The following DOCK6 variants were observed in gnomAD, a reference collection of about 807,000 sequenced individuals.
The protein encoded by DOCK6 is dedicator of cytokinesis protein 6.
A neutral mutation model predicts 230.3 loss-of-function variants in DOCK6; 167 were observed. The ratio of observed to expected loss-of-function variants is 0.73; its 90% CI spans 0.64 to 0.82. The LOEUF is 0.82. Among genes scored for constraint, DOCK6 ranks in the 40% least tolerant of loss-of-function variants. The pLI is 0.00. For missense variants in DOCK6, 2,598 were observed against 2,825.8 expected, an observed-to-expected ratio of 0.92 and a Z score of 1.83; for synonymous variants, 1,148 against 1,185.0, an observed-to-expected ratio of 0.97 and a Z score of 0.64.
At chr19:11,232,284 G>A (rs1005820534) in intron 22 of DOCK6, 15 of 1,289,442 alleles carry the variant, frequency 1.2e-5, no homozygotes, top group East Asian at 5.5e-5. Flanking sequence ...GTGAGCGATC[G>A]ATGCCCTGGA....
intron 30 of DOCK6, 54 bp from the exon 31 acceptor site, chr19:11,215,981 C>G (rs919168686): frequency 6.2e-7 from 1 of 1,605,466 alleles, no homozygotes; most frequent in South Asian, 1.1e-5. Flanking sequence ...TTCGGGGGGA[C>G]CTGGGCTGGC....
intron 24 of DOCK6, among the ~76,000 whole-genome samples, chr19:11,224,132 TTGG>T (rs1403491170): frequency 6.6e-6 from 1 of 152,004 alleles, no homozygotes; most frequent in African/African-American, 2.4e-5. Flanking sequence ...CAATATTAAA[TTGG>T]TGCAAAAGTA....
chr19:11,259,916 C>T (rs1255324276), intron 1 of DOCK6, among the ~76,000 whole-genome samples: 3 of 100,238 alleles, frequency 3.0e-5, no homozygotes, highest in African/African-American at 1.1e-4. Context: ...CAGAGTCTTA[C>T]TCTGTCACCC....
rs1275959515 is a variant in DOCK6, at chr19:11,243,103, A to G, written c.1436T>C (p.Met479Thr). 2.5e-6 allele frequency: 4 copies of G among 1,613,848 alleles called. No individual in the cohort carries two copies. Among genetic ancestry groups the G allele is most frequent in the Non-Finnish European group, 3.4e-6 (4 of 1,179,900 alleles). ...CCGCAGCAGGGACGACGGGCGCCTC[A>G]TGTCAGCCAGGAACTTGAAGAGGTC... ...DEDLFKFLAD[M>T]RRPSSLLRRL... The change falls in exon 13 of 48, where the codon ATG becomes ACG. Residue 479 changes from methionine to threonine, a missense_variant. Met to Thr is a moderately conservative substitution (Grantham distance 81). Coordinates refer to ENST00000294618, the MANE Select transcript of DOCK6 (RefSeq NM_020812.4). This position sits in a 1 kb window ranked among gnomAD's most constrained non-coding sequence, Gnocchi z 6.3.
intron 1 of DOCK6, among the ~76,000 whole-genome samples, chr19:11,260,709 C>A (rs566454673): frequency 3.4e-4 from 51 of 150,704 alleles, no homozygotes; most frequent in Middle Eastern, 3.4e-3. Flanking sequence ...ATGGTGAAAC[C>A]CCCTCTCTAC....
At chr19:11,226,278 T>G (rs1349968698) in intron 24 of DOCK6, among the ~76,000 whole-genome samples, 3 of 152,190 alleles carry the variant, frequency 2.0e-5, no homozygotes, top group Admixed American at 2.0e-4. Context: ...AAGGTTAAGC[T>G]ACCACTCATT....
intron 24 of DOCK6, among the ~76,000 whole-genome samples, chr19:11,224,454 G>A (rs887337530): frequency 1.1e-4 from 17 of 152,014 alleles, no homozygotes; most frequent in African/African-American, 1.7e-4. Context: ...CAGGTGATCC[G>A]CCCTCCTCGG....
intron 24 of DOCK6, among the ~76,000 whole-genome samples, chr19:11,223,642 T>TTTAA (rs897769469): frequency 1.3e-5 from 2 of 152,268 alleles, no homozygotes; most frequent in East Asian, 3.9e-4. Flanking sequence ...TTATTTTAAT[T>TTTAA]TTAATTAATT....
chr19:11,228,779 G>T, intron 23 of DOCK6, 161 bp downstream of exon 23: 1 of 596,468 alleles, frequency 1.7e-6, no homozygotes, highest in South Asian at 2.0e-5. Context: ...AGCCAGGATG[G>T]TCTCGATCTC....
rs186365792 is a variant in DOCK6, at chr19:11,202,664, A to G, written c.5281T>C (p.Phe1761Leu). The stretch of plus-strand genomic sequence containing the variant: ...AACTCCTGCTCATCCAGGTCACCGA[A>G]GTGGGCGCCGTAGAAGCCCACGCGG... ...YFRVGFYGAH[F>L]GDLDEQEFVY... is the part of the protein sequence containing the mutation. Residue 1761 changes from phenylalanine (F) to leucine (L), a missense_variant, in exon 42 of 48, where the codon TTC becomes CTC. Phe to Leu is a conservative substitution (Grantham distance 22). Transcript: ENST00000294618. The surrounding 1 kb of genome is among the most constrained non-coding windows in gnomAD (Gnocchi z 5.3). 1.1e-5 allele frequency: 17 copies of G among 1,613,996 alleles called. No homozygotes were observed. In the East Asian group the frequency reaches 3.8e-4, roughly 36 times the overall value.
At chr19:11,241,828 C>G in intron 14 of DOCK6, 1 of 1,417,560 alleles carries the variant, frequency 7.1e-7, no homozygotes, top group South Asian at 1.2e-5. Context: ...AGAGCAGAGA[C>G]AGACGCAGGC....
Position 11,208,981 on chromosome 19 carries a change from G to A in DOCK6, c.4874C>T (p.Ala1625Val), listed in dbSNP as rs773475588. 2.3e-5 allele frequency: 37 copies of A among 1,607,372 alleles called. No homozygotes were observed. Among genetic ancestry groups the A allele is most frequent in the Non-Finnish European group, 6.8e-6 (8 of 1,176,166 alleles). ...EAAQCMVHAA[A>V]LVAEYLALLE... Reference sequence around the variant, plus strand: ...CAGGGCGAGGTACTCAGCCACGAGGGCGGCCGCGTGCACCATGCACTGGGC... The same window carrying A: ...CAGGGCGAGGTACTCAGCCACGAGGACGGCCGCGTGCACCATGCACTGGGC... The change falls in exon 38 of 48, where the codon GCC becomes GTC. Residue 1625 changes from alanine (A) to valine (V), a missense_variant. Ala to Val is a moderately conservative substitution (Grantham distance 64). Transcript: ENST00000294618.
At position 11,222,650 on chromosome 19, in the gene DOCK6, G is replaced by C. The variant is rs898810550; in HGVS notation, c.3240+85C>G. On this transcript the variant is annotated intron_variant, in intron 26 of 47. Transcript: ENST00000294618. The surrounding 1 kb of genome is among the most constrained non-coding windows in gnomAD (Gnocchi z 4.0). The stretch of plus-strand genomic sequence containing the variant: ...CTAGGCAGTGGTCCACCGTGAAAGG[G>C]ACAGAGATGAGGGAACCATAGGAGA... 1.2e-5 allele frequency: 17 copies of C among 1,397,060 alleles called. No individual in the cohort carries two copies. The highest frequency in any genetic ancestry group is 3.8e-4 in the Middle Eastern group (2 of 5,306). The allele number at this position is 1,397,060 out of a possible 1,614,324, so 86.5% of individuals were successfully genotyped here.
rs1289210161 is a variant in DOCK6 at position 11,245,854 on chromosome 19, G to A, written c.831C>T (p.Ile277=). ...SLKFEIEIEP[I]FGILALYDVR... is the part of the protein sequence containing the mutation. Reference sequence around the variant, plus strand: ...CATCATACAGAGCCAAGATCCCAAAGATGGGCTCAATTTCAATCTCGAACC... The same window carrying A: ...CATCATACAGAGCCAAGATCCCAAAAATGGGCTCAATTTCAATCTCGAACC... The change falls in exon 8 of 48, where the codon ATC becomes ATT. Residue 277 remains isoleucine, a synonymous_variant. Coordinates refer to ENST00000294618, the MANE Select transcript of DOCK6 (RefSeq NM_020812.4). 1.3e-6 allele frequency: 2 copies of A among 1,568,722 alleles called. No homozygotes were observed. Among genetic ancestry groups the A allele is most frequent in the South Asian group, 2.3e-5 (2 of 85,354 alleles).
intron 7 of DOCK6, among the ~76,000 whole-genome samples, chr19:11,246,576 T>G (rs1394602686): frequency 6.6e-6 from 1 of 151,990 alleles, no homozygotes; most frequent in Admixed American, 6.6e-5. Flanking sequence ...CACTGAAGTT[T>G]TTTTCCCCCT....
intron 37 of DOCK6, 80 bp from the exon 38 acceptor site, chr19:11,209,183 C>G: frequency 6.7e-7 from 1 of 1,500,772 alleles, no homozygotes; most frequent in Non-Finnish European, 9.0e-7. Flanking sequence ...CCATTCTCTT[C>G]ACTGGTTACC....
Position 11,237,721 on chromosome 19 carries a change from G to A in DOCK6, c.1891C>T (p.His631Tyr), listed in dbSNP as rs1446750648. Residue 631 changes from histidine to tyrosine, a missense_variant, in exon 17 of 48, where the codon CAT becomes TAT. His to Tyr is a moderately conservative substitution (Grantham distance 83). Transcript: ENST00000294618. ...LHLPACVTENHHLLFTFYHVS... is the reference protein window; with the variant it reads ...LHLPACVTENYHLLFTFYHVS... ...TGGTAGAAGGTGAACAGCAGGTGAT[G>A]GTTCTCTGTCACGCAGGCTGGAAGA... 1.9e-6 allele frequency: 3 copies of A among 1,585,406 alleles called. No homozygotes were observed. The highest frequency in any genetic ancestry group is 2.6e-6 in the Non-Finnish European group (3 of 1,166,484).
intron 28 of DOCK6, 152 bp downstream of exon 28, chr19:11,221,699 C>T (rs2079580769): frequency 8.7e-7 from 1 of 1,143,098 alleles, no homozygotes; most frequent in Non-Finnish European, 1.3e-6. Flanking sequence ...GATGTTATGA[C>T]TTAAGTAGTC....
chr19:11,235,454 T>C (rs2079830311), intron 21 of DOCK6, 144 bp downstream of exon 21: 1 of 812,394 alleles, frequency 1.2e-6, no homozygotes, highest in African/African-American at 1.7e-5. Context: ...TTTCATCATG[T>C]TGGCCAAGTT....
Sources: allele counts gnomAD v4.1 joint callset (sites outside exome capture counted in the v4.1 genomes callset), GRCh38; gene constraint gnomAD v4.1.1; non-coding constraint Gnocchi (gnomAD v3.1); transcripts MANE v1.5; gene names NCBI Gene and HGNC (gene_info 2026-07-23, HGNC 2026-07-21).